TSPAN5: variants seen among roughly 807,000 people sequenced by gnomAD.
The protein encoded by TSPAN5 is tetraspanin 5, also known as tetraspanin-5.
Under a neutral mutation model 37.1 loss-of-function variants are expected in TSPAN5, and 10 were observed. The ratio of observed to expected loss-of-function variants is 0.27; its 90% CI spans 0.17 to 0.46. TSPAN5 has a LOEUF of 0.46. Among genes scored for constraint, TSPAN5 ranks in the 20% least tolerant of loss-of-function variants. The pLI is 1.00. For synonymous variants in TSPAN5, 110 were observed against 118.9 expected, an observed-to-expected ratio of 0.93 and a Z score of 0.48; for missense variants, 195 against 326.6, an observed-to-expected ratio of 0.60 and a Z score of 3.11.
At chr4:98,622,314 T>C (rs1421836688) in intron 1 of TSPAN5, among the ~76,000 whole-genome samples, 5 of 152,218 alleles carry the variant, frequency 3.3e-5, no homozygotes, top group Non-Finnish European at 5.9e-5. Flanking sequence ...TGGCCTCAAG[T>C]GATCCACCCG....
chr4:98,656,897 C>G (rs555469083), intron 1 of TSPAN5, among the ~76,000 whole-genome samples: 1 of 152,176 alleles, frequency 6.6e-6, no homozygotes, highest in Admixed American at 6.5e-5. Context: ...TATATACGTA[C>G]AGCAAACAGC....
intron 1 of TSPAN5, among the ~76,000 whole-genome samples, chr4:98,540,483 ACG>A (rs1196277517): frequency 2.0e-5 from 3 of 152,100 alleles, no homozygotes; most frequent in Non-Finnish European, 4.4e-5. Context: ...GATTACAGGC[ACG>A]TGCCACCATG....
intron 1 of TSPAN5, among the ~76,000 whole-genome samples, chr4:98,630,080 C>A (rs1215616362): frequency 6.6e-6 from 1 of 152,122 alleles, no homozygotes; most frequent in Admixed American, 6.5e-5. Context: ...TGGGCCCTGT[C>A]CTGAATTCAC....
intron 1 of TSPAN5, among the ~76,000 whole-genome samples, chr4:98,516,547 G>C (rs930563996): frequency 6.6e-6 from 1 of 152,182 alleles, no homozygotes; most frequent in East Asian, 1.9e-4. Context: ...GCTACTTTGG[G>C]GGCATTCTGT....
intron 2 of TSPAN5, among the ~76,000 whole-genome samples, chr4:98,499,513 C>T (rs549601295): frequency 3.9e-5 from 6 of 152,334 alleles, no homozygotes; most frequent in Admixed American, 2.6e-4. Flanking sequence ...AGAAACCCCA[C>T]TGAATACAGT....
intron 1 of TSPAN5, among the ~76,000 whole-genome samples, chr4:98,543,544 T>C (rs1754407311): frequency 6.6e-6 from 1 of 151,714 alleles, no homozygotes. Flanking sequence ...GCCTCCCAAG[T>C]AGCTGGGATT....
chr4:98,654,489 C>A (rs1050656168), intron 1 of TSPAN5, among the ~76,000 whole-genome samples: 1 of 152,158 alleles, frequency 6.6e-6, no homozygotes, highest in African/African-American at 2.4e-5. Flanking sequence ...AAACCCAAAG[C>A]AGTCTCAGGG....
At position 98,472,481 on chromosome 4, in the gene TSPAN5, C is replaced by A; in HGVS notation, c.*41G>T. ...TCGGCACGCGGGAGGGTCCCGAAAG[C>A]TGGGTCTGTCCAGTGTCTTGCAGCA... On this transcript the variant is annotated 3_prime_UTR_variant, in exon 8 of 8. Transcript: ENST00000305798. 6.2e-7 allele frequency: 1 copy of A among 1,600,522 alleles called. No homozygotes were observed. Among genetic ancestry groups the A allele is most frequent in the Admixed American group, 1.7e-5 (1 of 59,486 alleles).
intron 1 of TSPAN5, among the ~76,000 whole-genome samples, chr4:98,530,523 C>G (rs1754058390): frequency 6.6e-6 from 1 of 152,178 alleles, no homozygotes; most frequent in African/African-American, 2.4e-5. Context: ...CACTCCACCC[C>G]ACCTGCACTT....
intron 1 of TSPAN5, among the ~76,000 whole-genome samples, chr4:98,598,184 G>A (rs1579019015): frequency 7.2e-6 from 1 of 138,692 alleles, no homozygotes; most frequent in Admixed American, 7.1e-5. Context: ...TATTCGGGTG[G>A]GAGTGACCCG....
chr4:98,565,644 T>G (rs759299518), intron 1 of TSPAN5, among the ~76,000 whole-genome samples: 3 of 152,172 alleles, frequency 2.0e-5, no homozygotes, highest in Non-Finnish European at 4.4e-5. Context: ...CTGCTTAAAG[T>G]AGGAGTTATA....
chr4:98,631,445 C>G (rs1214727031), intron 1 of TSPAN5, among the ~76,000 whole-genome samples: 1 of 152,158 alleles, frequency 6.6e-6, no homozygotes, highest in Admixed American at 6.5e-5. Context: ...GAAACAAACA[C>G]ACCCACACAC....
chr4:98,568,830 T>C (rs1271146707), intron 1 of TSPAN5, among the ~76,000 whole-genome samples: 1 of 151,916 alleles, frequency 6.6e-6, no homozygotes, highest in Non-Finnish European at 1.5e-5. Flanking sequence ...TATCTAAGGG[T>C]AAGAATGTCA....
intron 2 of TSPAN5, among the ~76,000 whole-genome samples, chr4:98,503,263 T>C (rs1034270414): frequency 1.3e-5 from 2 of 151,714 alleles, no homozygotes; most frequent in Non-Finnish European, 2.9e-5. Context: ...GCTAGATTGA[T>C]GAGGGGAGAA....
chr4:98,497,506 C>A (rs1753240729), intron 2 of TSPAN5, among the ~76,000 whole-genome samples: 1 of 152,012 alleles, frequency 6.6e-6, no homozygotes, highest in Non-Finnish European at 1.5e-5. Flanking sequence ...TTTAAGCCAC[C>A]CAGTCTATAG....
chr4:98,570,099 T>G (rs28392914), intron 1 of TSPAN5, among the ~76,000 whole-genome samples: 13,058 of 152,248 alleles, frequency 0.086, 835 homozygotes, highest in African/African-American at 0.18. Flanking sequence ...GAAATCAATT[T>G]TCTTTAAACA....
intron 2 of TSPAN5, among the ~76,000 whole-genome samples, chr4:98,507,037 G>T (rs1753493230): frequency 6.6e-6 from 1 of 152,170 alleles, no homozygotes. Context: ...AAACTGCCCA[G>T]AACATTGTAT....
At position 98,478,754 on chromosome 4, in the gene TSPAN5, A is replaced by G; in HGVS notation, c.507T>C (p.Asn169=). 1.9e-6 allele frequency: 3 copies of G among 1,614,090 alleles called. No homozygotes were observed. Among genetic ancestry groups the G allele is most frequent in the Non-Finnish European group, 1.7e-6 (2 of 1,179,994 alleles). Residue 169 remains asparagine (N), a synonymous_variant, in exon 5 of 8, where the codon AAT becomes AAC. Transcript: ENST00000305798. ...ADDWNLNIYF[N]CTDSNASRER... The stretch of plus-strand genomic sequence containing the variant: ...CTCGACTTGCATTGGAATCTGTGCA[A>G]TTGAAGTAAATATTTAGGTTCCAAT...
At chr4:98,481,659 T>G (rs1752841137) in intron 4 of TSPAN5, among the ~76,000 whole-genome samples, 1 of 152,186 alleles carries the variant, frequency 6.6e-6, no homozygotes, top group Admixed American at 6.5e-5. Context: ...TAAGAAAGAA[T>G]CCATATTTAA....
Sources: gnomAD v4.1 joint callset for allele counts (sites outside exome capture counted in the v4.1 genomes callset) on GRCh38, gnomAD v4.1.1 for gene constraint, MANE v1.5 for transcripts, NCBI Gene and HGNC (gene_info 2026-07-23, HGNC 2026-07-21) for gene names.